SPTB: variants seen among roughly 807,000 people sequenced by gnomAD.
The protein encoded by SPTB is spectrin beta, erythrocytic.
A neutral mutation model predicts 256.2 loss-of-function variants in SPTB; 45 were observed. The ratio of observed to expected loss-of-function variants is 0.18; its 90% CI spans 0.14 to 0.23. The LOEUF (loss-of-function observed/expected upper bound fraction) is 0.23, where lower values mean the gene tolerates loss of function less well. Ranked by LOEUF, SPTB falls within the 10% of genes least tolerant of loss-of-function variation. SPTB has a pLI of 1.00. For missense variants in SPTB, 2,715 were observed against 3,040.4 expected, an observed-to-expected ratio of 0.89 and a Z score of 2.52; for synonymous variants, 1,231 against 1,243.1, an observed-to-expected ratio of 0.99 and a Z score of 0.21.
intron 2 of SPTB, among the ~76,000 whole-genome samples, chr14:64,817,953 T>G (rs1239900964): frequency 2.0e-5 from 3 of 152,106 alleles, no homozygotes; most frequent in African/African-American, 4.8e-5. Context: ...TGCTTCAGAG[T>G]GCAGGGACAC....
intron 6 of SPTB, 148 bp from the exon 7 acceptor site, chr14:64,801,548 G>T: frequency 2.5e-6 from 2 of 804,860 alleles, no homozygotes; most frequent in South Asian, 1.4e-5. Context: ...AGGAGAGGGG[G>T]CAGGTGTGAG....
chr14:64,855,886 C>T (rs960001364), intron 1 of SPTB, among the ~76,000 whole-genome samples: 1 of 152,154 alleles, frequency 6.6e-6, no homozygotes, highest in Non-Finnish European at 1.5e-5. Flanking sequence ...AGGCTGGCAT[C>T]ACAGCACCAG....
intron 2 of SPTB, among the ~76,000 whole-genome samples, chr14:64,819,263 C>A (rs1156328348): frequency 6.6e-6 from 1 of 152,162 alleles, no homozygotes; most frequent in Non-Finnish European, 1.5e-5. Context: ...TTCTTTAGGT[C>A]CAGGAAGGAA....
chr14:64,785,002 G>A lies in SPTB; in HGVS notation c.3855+535C>T, dbSNP rs1354602057. ...GAGCTAGCAGTTTTCCAACTGGCAG[G>A]TTTGTTTAAAATGTTCTTTCTCTGT... On this transcript the variant is annotated intron_variant, in intron 18 of 35. Coordinates refer to ENST00000644917, the MANE Select transcript of SPTB (RefSeq NM_001355436.2). This position sits in a 1 kb window ranked among gnomAD's most constrained non-coding sequence, Gnocchi z 4.4. Among the ~76,000 whole-genome samples the A allele has an allele frequency of 6.6e-6, 1 of 152,206 alleles. No homozygotes were observed. Among genetic ancestry groups the A allele is most frequent in the East Asian group, 1.9e-4 (1 of 5,194 alleles).
At position 64,828,356 on chromosome 14, in the gene SPTB, G is replaced by A. The variant is rs1157077424; in HGVS notation, c.-51-5211C>T. Among the ~76,000 whole-genome samples, 4 of 152,132 alleles carry A rather than the reference G, an allele frequency of 2.6e-5. No individual in the cohort carries two copies. In the East Asian group the frequency reaches 7.7e-4, roughly 29 times the overall value. ...CCAATAGTTCTTACAGGATTTGGTTGGGGAACAGGTGCTACTCAGCTCTGA... is the reference window on the plus strand; with the variant it reads ...CCAATAGTTCTTACAGGATTTGGTTAGGGAACAGGTGCTACTCAGCTCTGA... On this transcript the variant is annotated intron_variant, in intron 1 of 35. Coordinates refer to ENST00000644917, the MANE Select transcript of SPTB (RefSeq NM_001355436.2).
At chr14:64,834,055 C>T (rs2139733891) in intron 1 of SPTB, among the ~76,000 whole-genome samples, 1 of 152,268 alleles carries the variant, frequency 6.6e-6, no homozygotes, top group Middle Eastern at 3.4e-3. Context: ...AAAACGGAGT[C>T]TCACTCTGTC....
Position 64,866,759 on chromosome 14 carries a change from A to T in SPTB, c.-52+13033T>A, listed in dbSNP as rs1017799374. On this transcript the variant is annotated intron_variant, in intron 1 of 35. Transcript: ENST00000644917. This position sits in a 1 kb window ranked among gnomAD's most constrained non-coding sequence, Gnocchi z 4.6. Reference sequence around the variant, plus strand: ...GAGGGCAGAACAAGCCAACCAAAAAATACTGTAATATATTACAAGGTAGTT... The same window carrying T: ...GAGGGCAGAACAAGCCAACCAAAAATTACTGTAATATATTACAAGGTAGTT... Among the ~76,000 whole-genome samples the T allele has an allele frequency of 5.3e-5, 8 of 152,216 alleles. No homozygotes were observed. Among genetic ancestry groups the T allele is most frequent in the Admixed American group, 2.6e-4 (4 of 15,282 alleles).
rs1566731898 is a variant in SPTB at position 64,751,946 on chromosome 14, T to TAAAAAAAAAAAAAAAAAAA, written c.6602+1590_6602+1591insTTTTTTTTTTTTTTTTTTT. ...AAAATGCAAAAAAAAAAAAAAAAAT[T>TAAAAAAAAAAAAAAAAAAA]AGCCAGGCGTGGTGGCACGTGCCTG... On this transcript the variant is annotated intron_variant, in intron 33 of 35. Transcript: ENST00000644917. Among the ~76,000 whole-genome samples, 27 of 90,480 alleles carry TAAAAAAAAAAAAAAAAAAA rather than the reference T, an allele frequency of 3.0e-4. 1 individual carries two copies. Among genetic ancestry groups the TAAAAAAAAAAAAAAAAAAA allele is most frequent in the South Asian group, 7.1e-4 (2 of 2,816 alleles). 59.4% of individuals were successfully genotyped at this position (90,480 alleles called of 152,430 possible).
chr14:64,782,616 C>T, intron 19 of SPTB, 63 bp from the exon 20 acceptor site: 1 of 1,606,324 alleles, frequency 6.2e-7, no homozygotes, highest in Non-Finnish European at 8.5e-7. Flanking sequence ...CAGCCCTGCT[C>T]CTGATGGTTG....
At chr14:64,837,219 G>C (rs2083537940) in intron 1 of SPTB, among the ~76,000 whole-genome samples, 1 of 152,118 alleles carries the variant, frequency 6.6e-6, no homozygotes. Flanking sequence ...TCTCATTGCT[G>C]GCCTCTTCAT....
intron 22 of SPTB, among the ~76,000 whole-genome samples, chr14:64,776,475 C>T (rs1160247722): frequency 6.6e-6 from 1 of 152,170 alleles, no homozygotes; most frequent in Admixed American, 6.5e-5. Flanking sequence ...TAGGGTCTCA[C>T]TCTAGTCACC....
intron 3 of SPTB, 23 bp downstream of exon 3, chr14:64,804,916 G>C (rs1353857): frequency 3.1e-6 from 5 of 1,613,322 alleles, no homozygotes; most frequent in Non-Finnish European, 3.4e-6. Flanking sequence ...CAGCAGCCCC[G>C]GGGCCCACAG....
rs1200998396 is a variant in SPTB at position 64,853,735 on chromosome 14, G to T, written c.-52+26057C>A. ...TATAGGCAAGAGTGAAACAGCAAGA[G>T]AGAGGGAAGGATTGAAGATGCAGAT... is the stretch of plus-strand genomic sequence containing the variant. On this transcript the variant is annotated intron_variant, in intron 1 of 35. Transcript: ENST00000644917. This position sits in a 1 kb window ranked among gnomAD's most constrained non-coding sequence, Gnocchi z 4.3. 6.6e-6 allele frequency among the ~76,000 whole-genome samples: 1 copy of T among 152,204 alleles called. No individual in the cohort carries two copies. The highest frequency in any genetic ancestry group is 1.5e-5 in the Non-Finnish European group (1 of 68,036).
rs762645660 is a variant in SPTB at position 64,769,122 on chromosome 14, T to TG, written c.5938-5dup. 4.3e-6 allele frequency: 7 copies of TG among 1,613,514 alleles called. No individual in the cohort carries two copies. Among genetic ancestry groups the TG allele is most frequent in the Non-Finnish European group, 5.9e-6 (7 of 1,179,904 alleles). Reference sequence around the variant, plus strand: ...CCTGCTGCAGTTTCTCGCGGATCTATGGGGAGGAAAGGGAGAAAAGCTCAG... The same window carrying TG: ...CCTGCTGCAGTTTCTCGCGGATCTATGGGGGAGGAAAGGGAGAAAAGCTCAG... On this transcript the variant is annotated splice_region_variant and splice_polypyrimidine_tract_variant and intron_variant, in intron 28 of 35. Transcript: ENST00000644917.
rs1159711774 is a variant in SPTB, at chr14:64,782,337, G to A, written c.4219C>T (p.Pro1407Ser). ...AMEDQLRSDD[P>S]GKDLTSVNRM... is the part of the protein sequence containing the mutation. ...TTGACACTGGTCAGGTCCTTGCCCG[G>A]GTCGTCTGACCGCAGCTGGTCCTCC... Residue 1407 changes from proline to serine, a missense_variant, in exon 20 of 36, where the codon CCG (proline) becomes TCG (serine). Physicochemically the swap from Pro to Ser is moderately conservative, Grantham distance 74. Transcript: ENST00000644917. The A allele has an allele frequency of 6.2e-7, 1 of 1,614,078 alleles. No homozygotes were observed. Among genetic ancestry groups the A allele is most frequent in the East Asian group, 2.2e-5 (1 of 44,900 alleles).
intron 26 of SPTB, among the ~76,000 whole-genome samples, chr14:64,771,919 T>C (rs756282882): frequency 7.2e-5 from 11 of 152,166 alleles, no homozygotes; most frequent in Non-Finnish European, 1.6e-4. Flanking sequence ...CACTGGAAGC[T>C]GGGGGAGCCC....
chr14:64,773,441 AAAAGGCC>A lies in SPTB; in HGVS notation c.4974-24_4974-18del, dbSNP rs759025465. 6.2e-7 allele frequency: 1 copy of A among 1,612,976 alleles called. No homozygotes were observed. Among genetic ancestry groups the A allele is most frequent in the Non-Finnish European group, 8.5e-7 (1 of 1,179,986 alleles). Reference sequence around the variant, plus strand: ...ATCTGTTCCCTGGAATTCAAAACCAAAAAGGCCCTCAGAGACGGCAGCCACGAACCCA... The same window carrying A: ...ATCTGTTCCCTGGAATTCAAAACCAACTCAGAGACGGCAGCCACGAACCCA... On this transcript the variant is annotated intron_variant, in intron 24 of 35. Transcript: ENST00000644917.
intron 18 of SPTB, 138 bp from the exon 19 acceptor site, chr14:64,784,531 C>T (rs957263341): frequency 3.5e-6 from 4 of 1,158,954 alleles, no homozygotes; most frequent in Non-Finnish European, 5.1e-6. Context: ...ATCTGCAGTT[C>T]TGGATCCCTC....
chr14:64,796,761 C>A lies in SPTB; in HGVS notation c.1183-46G>T, dbSNP rs1217291182. The A allele has an allele frequency of 6.8e-6, 11 of 1,612,606 alleles. No homozygotes were observed. In the East Asian group the frequency reaches 2.2e-4, roughly 33 times the overall value. On this transcript the variant is annotated intron_variant, in intron 10 of 35. Transcript: ENST00000644917. The surrounding 1 kb of genome is among the most constrained non-coding windows in gnomAD (Gnocchi z 4.1). ...GAATTCTTGGGGCACAGGAGAAATGCCTCACTTTGGGGGCTCCACCCCTTT... is the reference window on the plus strand; with the variant it reads ...GAATTCTTGGGGCACAGGAGAAATGACTCACTTTGGGGGCTCCACCCCTTT...
Sources: gnomAD v4.1 joint callset for allele counts (sites outside exome capture counted in the v4.1 genomes callset) on GRCh38, gnomAD v4.1.1 for gene constraint, Gnocchi (gnomAD v3.1) non-coding constraint, MANE v1.5 for transcripts, NCBI Gene and HGNC (gene_info 2026-07-23, HGNC 2026-07-21) for gene names.